The following ZNF490 variants were observed in gnomAD, a reference collection of about 807,000 sequenced individuals.
ZNF490 encodes zinc finger protein 490.
In ZNF490, 11 loss-of-function variants were observed where a neutral mutation model predicts 17.7. The observed-to-expected ratio is 0.62, with a 90% CI of 0.39 to 1.03. The LOEUF (loss-of-function observed/expected upper bound fraction) is 1.03, where lower values mean the gene tolerates loss of function less well. Ranked by LOEUF, ZNF490 falls within the 50% of genes least tolerant of loss-of-function variation. The pLI, the probability that ZNF490 is intolerant of heterozygous loss-of-function variation, is 0.00. For missense variants in ZNF490, 542 were observed against 643.4 expected, an observed-to-expected ratio of 0.84 and a Z score of 1.71; for synonymous variants, 222 against 216.1, an observed-to-expected ratio of 1.03 and a Z score of -0.24.
At chr19:12,604,208 C>G (rs1022875308) in intron 2 of ZNF490, among the ~76,000 whole-genome samples, 15 of 152,202 alleles carry the variant, frequency 9.9e-5, no homozygotes, top group African/African-American at 3.6e-4. Context: ...GCTGTTCATT[C>G]GTATCATTTA....
At chr19:12,609,300 C>A in intron 1 of ZNF490, 98 bp from the exon 2 acceptor site, 1 of 980,276 alleles carries the variant, frequency 1.0e-6, no homozygotes, top group East Asian at 2.5e-5. Context: ...CCTGCATCTA[C>A]CTGTACACAC....
intron 2 of ZNF490, among the ~76,000 whole-genome samples, chr19:12,592,233 G>A (rs1204923969): frequency 6.6e-6 from 1 of 152,004 alleles, no homozygotes; most frequent in African/African-American, 2.4e-5. Context: ...CTACTCGGGA[G>A]GCTGAGGCAG....
chr19:12,600,291 C>T (rs1174157698), intron 2 of ZNF490, among the ~76,000 whole-genome samples: 2 of 151,582 alleles, frequency 1.3e-5, no homozygotes, highest in Non-Finnish European at 2.9e-5. Context: ...GGTGTGAACC[C>T]AGGAGGTGGA....
rs954733090 is a variant in ZNF490 at position 12,577,401 on chromosome 19, A to G, written c.*3084T>C. 2 of 981,894 alleles carry G rather than the reference A, an allele frequency of 2.0e-6. No homozygotes were observed. The highest frequency in any genetic ancestry group is 2.4e-6 in the Non-Finnish European group (2 of 826,862). 60.8% of individuals were successfully genotyped at this position (981,894 alleles called of 1,614,324 possible). ...GGAATCTCGAACTTCCTGACCTCCCACAGTACAATAATCATCTCTCTACAA... is the reference window on the plus strand; with the variant it reads ...GGAATCTCGAACTTCCTGACCTCCCGCAGTACAATAATCATCTCTCTACAA... On this transcript the variant is annotated 3_prime_UTR_variant, in exon 5 of 5. Coordinates refer to ENST00000311437, the MANE Select transcript of ZNF490 (RefSeq NM_020714.3).
intron 2 of ZNF490, among the ~76,000 whole-genome samples, chr19:12,589,085 G>A (rs1006263193): frequency 6.6e-6 from 1 of 152,190 alleles, no homozygotes; most frequent in Non-Finnish European, 1.5e-5. Flanking sequence ...GCTTTGGGAG[G>A]CTGAGTCAGG....
rs1180200347 is a variant in ZNF490, at chr19:12,576,860, A to T, written c.*3625T>A. Among the ~76,000 whole-genome samples the T allele has an allele frequency of 6.6e-6, 1 of 151,052 alleles. No individual in the cohort carries two copies. The highest frequency in any genetic ancestry group is 6.6e-5 in the Admixed American group (1 of 15,178). On this transcript the variant is annotated 3_prime_UTR_variant, in exon 5 of 5. Coordinates refer to ENST00000311437, the MANE Select transcript of ZNF490 (RefSeq NM_020714.3). Reference sequence around the variant, plus strand: ...AACCTAAAAGCATTCCATATTTAAAAATATATATAAATATATATACACACA... The same window carrying T: ...AACCTAAAAGCATTCCATATTTAAATATATATATAAATATATATACACACA...
Position 12,581,712 on chromosome 19 carries a change from A to C in ZNF490, c.363T>G (p.Val121=). 6.2e-7 allele frequency: 1 copy of C among 1,609,448 alleles called. No homozygotes were observed. Among genetic ancestry groups the C allele is most frequent in the Non-Finnish European group, 8.5e-7 (1 of 1,177,414 alleles). The change falls in exon 5 of 5, where the codon GTT becomes GTG. Residue 121 remains valine (V), a synonymous_variant. Coordinates refer to ENST00000311437, the MANE Select transcript of ZNF490 (RefSeq NM_020714.3). ...CTTCTTTATTTTCACAGAGTGCTTC[A>C]ACCATAGGACTTCTGTAAAGAATGA... ...NQGRNLRSPM[V]EALCENKEDC...
intron 2 of ZNF490, among the ~76,000 whole-genome samples, chr19:12,596,977 G>GGGCCGC (rs1343069764): frequency 6.6e-6 from 1 of 152,180 alleles, no homozygotes; most frequent in Non-Finnish European, 1.5e-5. Flanking sequence ...TCCGGGGCCG[G>GGGCCGC]GGCCGCAATC....
At chr19:12,590,601 A>G (rs754418767) in intron 2 of ZNF490, among the ~76,000 whole-genome samples, 2 of 152,224 alleles carry the variant, frequency 1.3e-5, no homozygotes, top group Non-Finnish European at 2.9e-5. Flanking sequence ...ACCAACTGGG[A>G]AGGAAGAACT....
chr19:12,599,111 G>C (rs1343178862), intron 2 of ZNF490, among the ~76,000 whole-genome samples: 2 of 118,150 alleles, frequency 1.7e-5, no homozygotes, highest in African/African-American at 6.7e-5. Flanking sequence ...CTGCACTCCA[G>C]CCTGGGCAAC....
chr19:12,578,092 C>T lies in ZNF490; in HGVS notation c.*2393G>A. 2.0e-6 allele frequency: 2 copies of T among 985,438 alleles called. No individual in the cohort carries two copies. Among genetic ancestry groups the T allele is most frequent in the Non-Finnish European group, 2.4e-6 (2 of 829,986 alleles). The allele number at this position is 985,438 out of a possible 1,614,324, so 61.0% of individuals were successfully genotyped here. ...GAGCTGGAGCGCTGCAGGGTGGGTC[C>T]TTTTCCAAGAAGAGCTAAGTGCTAG... On this transcript the variant is annotated 3_prime_UTR_variant, in exon 5 of 5. Transcript: ENST00000311437.
rs1396365386 is a variant in ZNF490 at position 12,610,677 on chromosome 19, G to A, written c.4C>T (p.Arg2Cys). Residue 2 changes from arginine (R) to cysteine (C), a missense_variant, in exon 1 of 5, where the codon CGC (arginine) becomes TGC (cysteine). Physicochemically the swap from Arg to Cys is radical, Grantham distance 180. Transcript: ENST00000311437. ...TGGAAACTGAGACTGGAATTCCTGC[G>A]CATCCCTGTCCCCGCATCCAGAAAC... M[R>C]RNSSLSFQME... 2 of 1,613,280 alleles carry A rather than the reference G, an allele frequency of 1.2e-6. No homozygotes were observed. The highest frequency in any genetic ancestry group is 1.7e-6 in the Non-Finnish European group (2 of 1,179,882).
chr19:12,577,902 A>G lies in ZNF490; in HGVS notation c.*2583T>C, dbSNP rs2022667575. 1 of 985,380 alleles carries G rather than the reference A, an allele frequency of 1.0e-6. No homozygotes were observed. The highest frequency in any genetic ancestry group is 1.2e-6 in the Non-Finnish European group (1 of 829,976). The allele number at this position is 985,380 out of a possible 1,614,324, so 61.0% of individuals were successfully genotyped here. On this transcript the variant is annotated 3_prime_UTR_variant, in exon 5 of 5. Coordinates refer to ENST00000311437, the MANE Select transcript of ZNF490 (RefSeq NM_020714.3). ...AGAAAAGGGGGGACTGACTCCAACA[A>G]AGGACAGACCCGACCCCTATCGTGC...
intron 2 of ZNF490, among the ~76,000 whole-genome samples, chr19:12,601,512 A>G (rs1236918831): frequency 1.3e-5 from 2 of 152,066 alleles, no homozygotes; most frequent in Non-Finnish European, 2.9e-5. Flanking sequence ...TCCCTCAGCC[A>G]TCAAGCAGCT....
At chr19:12,606,902 C>T (rs953061721) in intron 2 of ZNF490, among the ~76,000 whole-genome samples, 6 of 152,148 alleles carry the variant, frequency 3.9e-5, no homozygotes, top group African/African-American at 1.4e-4. Context: ...TTTATGTTTG[C>T]ACATCACTGT....
intron 2 of ZNF490, among the ~76,000 whole-genome samples, chr19:12,600,792 G>A (rs978020423): frequency 1.3e-5 from 2 of 152,106 alleles, no homozygotes; most frequent in African/African-American, 2.4e-5. Flanking sequence ...AGATAACTTT[G>A]GAGATTGTGA....
intron 2 of ZNF490, among the ~76,000 whole-genome samples, chr19:12,584,439 A>C (rs1599306563): frequency 1.1e-5 from 1 of 94,530 alleles, no homozygotes; most frequent in African/African-American, 3.2e-5. Context: ...TACAGGCGTG[A>C]GCCACCGCGC....
chr19:12,603,228 T>C (rs1216854861), intron 2 of ZNF490, among the ~76,000 whole-genome samples: 1 of 152,122 alleles, frequency 6.6e-6, no homozygotes, highest in Non-Finnish European at 1.5e-5. Context: ...TTGGGCTGCC[T>C]GTAATCCCAC....
intron 2 of ZNF490, among the ~76,000 whole-genome samples, chr19:12,603,835 C>T (rs2023035738): frequency 6.6e-6 from 1 of 151,304 alleles, no homozygotes; most frequent in African/African-American, 2.4e-5. Flanking sequence ...TAAAATAGCT[C>T]TAGAAGAGTT....
Sources: gnomAD v4.1 joint callset for allele counts (sites outside exome capture counted in the v4.1 genomes callset) on GRCh38, gnomAD v4.1.1 for gene constraint, MANE v1.5 for transcripts, NCBI Gene and HGNC (gene_info 2026-07-23, HGNC 2026-07-21) for gene names.